ABCC4: variants seen among roughly 807,000 people sequenced by gnomAD.
ABCC4 encodes the protein ATP binding cassette subfamily C member 4 (PEL blood group).
ABCC4 carries 102 observed loss-of-function variants against 168.5 expected under a neutral mutation model. The observed-to-expected ratio is 0.61, with a 90% CI of 0.52 to 0.71. ABCC4 has a LOEUF of 0.71. Among genes scored for constraint, ABCC4 ranks in the 30% least tolerant of loss-of-function variants. The pLI is 0.00. For missense variants in ABCC4, 1,402 were observed against 1,605.8 expected, an observed-to-expected ratio of 0.87 and a Z score of 2.17; for synonymous variants, 617 against 590.7, an observed-to-expected ratio of 1.04 and a Z score of -0.65.
intron 20 of ABCC4, chr13:95,096,302 A>G (rs2034597410): frequency 2.3e-6 from 1 of 433,000 alleles, no homozygotes; most frequent in Non-Finnish European, 4.1e-6. Context: ...AATAAAAAAG[A>G]CTGAAAGACT....
rs2041679445 is a variant in ABCC4, at chr13:95,301,388, C to T, written c.-74G>A. ...GGTGGCCGCGGGCTCCGCTCCTGGA[C>T]CTCAAGCAGGGATGCTGGGGCTCCG... On this transcript the variant is annotated 5_prime_UTR_variant, in exon 1 of 31. Coordinates refer to ENST00000645237, the MANE Select transcript of ABCC4 (RefSeq NM_005845.5). 11 of 1,353,492 alleles carry T rather than the reference C, an allele frequency of 8.1e-6. No homozygotes were observed. The highest frequency in any genetic ancestry group is 1.1e-5 in the Non-Finnish European group (11 of 1,000,740). The allele number at this position is 1,353,492 out of a possible 1,614,324, so 83.8% of individuals were successfully genotyped here. A position where few individuals can be genotyped will look rare whatever the true frequency, so the allele number is the denominator to read the frequency against.
At chr13:95,131,256 T>G (rs562374405) in intron 19 of ABCC4, among the ~76,000 whole-genome samples, 1 of 152,134 alleles carries the variant, frequency 6.6e-6, no homozygotes, top group African/African-American at 2.4e-5. Context: ...AGGGGAAGCA[T>G]GCCAAGGAAA....
At chr13:95,179,802 T>C (rs2037830517) in intron 11 of ABCC4, among the ~76,000 whole-genome samples, 1 of 152,172 alleles carries the variant, frequency 6.6e-6, no homozygotes. Flanking sequence ...AATGGCACAT[T>C]GAGATCTCCA....
chr13:95,037,164 T>C (rs993550342), intron 29 of ABCC4, among the ~76,000 whole-genome samples: 11 of 151,528 alleles, frequency 7.3e-5, no homozygotes, highest in East Asian at 1.9e-4. Context: ...TTATTATAGC[T>C]GCAGATGAAT....
chr13:95,123,951 G>A (rs1463864860), intron 19 of ABCC4, among the ~76,000 whole-genome samples: 1 of 152,188 alleles, frequency 6.6e-6, no homozygotes, highest in East Asian at 1.9e-4. Context: ...CTTTGATCAG[G>A]TGGAAGGAAT....
chr13:95,092,537 A>G (rs1288160026), intron 20 of ABCC4, among the ~76,000 whole-genome samples: 1 of 152,180 alleles, frequency 6.6e-6, no homozygotes, highest in Non-Finnish European at 1.5e-5. Flanking sequence ...AATGACAATA[A>G]TGACACAACC....
chr13:95,282,897 A>T (rs925749432), intron 1 of ABCC4, among the ~76,000 whole-genome samples: 5 of 152,076 alleles, frequency 3.3e-5, no homozygotes, highest in African/African-American at 1.2e-4. Context: ...GTCATTACAT[A>T]TGTAAAACTT....
intron 25 of ABCC4, 87 bp from the exon 26 acceptor site, chr13:95,062,946 TGAA>T (rs2033360114): frequency 8.2e-6 from 12 of 1,454,698 alleles, no homozygotes; most frequent in Non-Finnish European, 8.3e-6. Context: ...TTTCGGTTTT[TGAA>T]GAAGAATTAA....
At chr13:95,058,087 A>G (rs568123365) in intron 26 of ABCC4, among the ~76,000 whole-genome samples, 30 of 152,164 alleles carry the variant, frequency 2.0e-4, no homozygotes, top group Middle Eastern at 3.4e-3. Flanking sequence ...AAGTGAATAC[A>G]CTCTGTTTCC....
At chr13:95,146,194 G>C (rs9561793) in intron 19 of ABCC4, among the ~76,000 whole-genome samples, 86 of 137,402 alleles carry the variant, frequency 6.3e-4, no homozygotes, top group African/African-American at 2.4e-3. Flanking sequence ...CTGAGTGACA[G>C]AGCAAGACTC....
At position 95,274,776 on chromosome 13, in the gene ABCC4, C is replaced by CA. The variant is rs528358017; in HGVS notation, c.74+26464dup. On this transcript the variant is annotated intron_variant, in intron 1 of 30. Coordinates refer to ENST00000645237, the MANE Select transcript of ABCC4 (RefSeq NM_005845.5). ...TGTGGCCACATCTCACTGACCATCACAAAAAACAACATAGAATAAGCCAGG... is the reference window on the plus strand; with the variant it reads ...TGTGGCCACATCTCACTGACCATCACAAAAAAACAACATAGAATAAGCCAGG... Among the ~76,000 whole-genome samples the CA allele has an allele frequency of 4.4e-4, 67 of 152,256 alleles. No individual in the cohort carries two copies. The East Asian group carries it at 8.1e-3, about 18-fold the overall frequency.
chr13:95,220,642 A>G (rs1362971688), intron 4 of ABCC4, among the ~76,000 whole-genome samples: 1 of 152,218 alleles, frequency 6.6e-6, no homozygotes, highest in East Asian at 1.9e-4. Context: ...CATCTCTTTC[A>G]CTGATGAGGA....
At chr13:95,268,480 C>T (rs559659377) in intron 1 of ABCC4, among the ~76,000 whole-genome samples, 6 of 151,864 alleles carry the variant, frequency 4.0e-5, no homozygotes, top group South Asian at 2.1e-4. Flanking sequence ...AGGAAGGCCT[C>T]TTTGCAGTTG....
At position 95,176,223 on chromosome 13, in the gene ABCC4, C is replaced by CGGCGGGGGGGGGGGGGGGG; in HGVS notation, c.1727+1483_1727+1484insCCCCCCCCCCCCCCCCGCC. Among the ~76,000 whole-genome samples the CGGCGGGGGGGGGGGGGGGG allele has an allele frequency of 1.9e-4, 2 of 10,578 alleles. 1 individual carries two copies. Among genetic ancestry groups the CGGCGGGGGGGGGGGGGGGG allele is most frequent in the South Asian group, 0.011 (2 of 178 alleles). 6.9% of individuals were successfully genotyped at this position (10,578 alleles called of 152,430 possible). On this transcript the variant is annotated intron_variant, in intron 13 of 30. Coordinates refer to ENST00000645237, the MANE Select transcript of ABCC4 (RefSeq NM_005845.5). The stretch of plus-strand genomic sequence containing the variant: ...TCTCAGCACTCCAGGAAGCCGAGGG[C>CGGCGGGGGGGGGGGGGGGG]AGGGGGGGGGGGGGGGGGGGGGTGG...
At chr13:95,052,407 A>G (rs2139262545) in intron 27 of ABCC4, among the ~76,000 whole-genome samples, 1 of 152,354 alleles carries the variant, frequency 6.6e-6, no homozygotes, top group East Asian at 1.9e-4. Context: ...AACACAGAAA[A>G]TCAGTGTTAA....
At chr13:95,042,398 A>C (rs752948070) in intron 29 of ABCC4, among the ~76,000 whole-genome samples, 9 of 152,170 alleles carry the variant, frequency 5.9e-5, no homozygotes, top group Non-Finnish European at 1.3e-4. Context: ...TAGAGAGGGC[A>C]TGACCGCAAC....
At chr13:95,120,975 T>A (rs753455263) in intron 19 of ABCC4, among the ~76,000 whole-genome samples, 69 of 152,136 alleles carry the variant, frequency 4.5e-4, no homozygotes, top group Non-Finnish European at 8.1e-4. Context: ...AGCCTGGACA[T>A]CCTGTATCAC....
chr13:95,044,122 T>A, intron 28 of ABCC4, 144 bp downstream of exon 28: 1 of 945,848 alleles, frequency 1.1e-6, no homozygotes, highest in Non-Finnish European at 1.5e-6. Context: ...TTTCTTCTTT[T>A]TTTTTCAGAA....
Position 95,167,197 on chromosome 13 carries a change from A to C in ABCC4, c.1825-830T>G, listed in dbSNP as rs147237658. 9.2e-5 allele frequency among the ~76,000 whole-genome samples: 14 copies of C among 151,374 alleles called. 1 individual carries two copies. In the East Asian group the frequency reaches 2.3e-3, roughly 25 times the overall value. ...CATCTCATAAATAAATAAATAAATA[A>C]ATAAATAAATAAATAAATAAATAAT... On this transcript the variant is annotated intron_variant, in intron 14 of 30. Coordinates refer to ENST00000645237, the MANE Select transcript of ABCC4 (RefSeq NM_005845.5).
Sources: gnomAD v4.1 joint callset for allele counts (sites outside exome capture counted in the v4.1 genomes callset) on GRCh38, gnomAD v4.1.1 for gene constraint, MANE v1.5 for transcripts, NCBI Gene and HGNC (gene_info 2026-07-23, HGNC 2026-07-21) for gene names.